The following FAM171A1 variants were observed in gnomAD, a reference collection of about 807,000 sequenced individuals.
The protein encoded by FAM171A1 is family with sequence similarity 171 member A1.
A neutral mutation model predicts 74.9 loss-of-function variants in FAM171A1; 23 were observed. The observed-to-expected ratio is 0.31, with a 90% CI of 0.22 to 0.44. The LOEUF is 0.44. FAM171A1 is among the 20% of genes least tolerant of loss of function. The probability of loss-of-function intolerance (pLI) is 1.00; values close to 1 mark genes in which losing one functional copy is unlikely to be tolerated. For missense variants in FAM171A1, 1,162 were observed against 1,159.2 expected, an observed-to-expected ratio of 1.00 and a Z score of -0.03; for synonymous variants, 527 against 505.7, an observed-to-expected ratio of 1.04 and a Z score of -0.57.
intron 1 of FAM171A1, among the ~76,000 whole-genome samples, chr10:15,300,259 C>T (rs1348483273): frequency 6.6e-6 from 1 of 152,168 alleles, no homozygotes; most frequent in Non-Finnish European, 1.5e-5. Flanking sequence ...ATTTACATTA[C>T]AAATATTCCT....
chr10:15,310,811 C>G (rs996576881), intron 1 of FAM171A1, among the ~76,000 whole-genome samples: 1 of 151,426 alleles, frequency 6.6e-6, no homozygotes, highest in Non-Finnish European at 1.5e-5. Context: ...CAGTGCATGA[C>G]AGAGCGAGAC....
chr10:15,334,929 C>A (rs1272570884), intron 1 of FAM171A1, among the ~76,000 whole-genome samples: 1 of 152,142 alleles, frequency 6.6e-6, no homozygotes, highest in Non-Finnish European at 1.5e-5. Context: ...AACAGAAATT[C>A]TACAAAATCC....
chr10:15,214,617 C>A lies in FAM171A1; in HGVS notation c.987-16G>T. ...GCACTTCCTCCTGCGCCCAAAGACA[C>A]AATCCAAAGCCAAAGATTAGTGATT... On this transcript the variant is annotated splice_polypyrimidine_tract_variant and intron_variant, in intron 7 of 7. Coordinates refer to ENST00000378116, the MANE Select transcript of FAM171A1 (RefSeq NM_001010924.2). The A allele has an allele frequency of 6.5e-7, 1 of 1,542,946 alleles. No individual in the cohort carries two copies. Among genetic ancestry groups the A allele is most frequent in the Non-Finnish European group, 8.7e-7 (1 of 1,148,132 alleles).
At chr10:15,345,012 C>T (rs1393305656) in intron 1 of FAM171A1, among the ~76,000 whole-genome samples, 2 of 152,202 alleles carry the variant, frequency 1.3e-5, no homozygotes, top group East Asian at 1.9e-4. Flanking sequence ...TCAACTCACA[C>T]CTTGCGTCAT....
chr10:15,321,727 T>C (rs1183864982), intron 1 of FAM171A1, among the ~76,000 whole-genome samples: 1 of 152,180 alleles, frequency 6.6e-6, no homozygotes, highest in Non-Finnish European at 1.5e-5. Context: ...CAAACCAAAA[T>C]GGTTTGAGCA....
chr10:15,361,636 T>C (rs1835995912), intron 1 of FAM171A1, among the ~76,000 whole-genome samples: 1 of 152,080 alleles, frequency 6.6e-6, no homozygotes, highest in Admixed American at 6.6e-5. Context: ...TGAGCCGAGA[T>C]TATGCCATGG....
Position 15,212,828 on chromosome 10 carries a change from C to T in FAM171A1, c.*87G>A. 1 of 1,537,160 alleles carries T rather than the reference C, an allele frequency of 6.5e-7. No homozygotes were observed. The highest frequency in any genetic ancestry group is 2.0e-5 in the Admixed American group (1 of 51,004). ...TCCGTCCCACGGCTGGGCTGCCGTT[C>T]CGTTTCCTCCACGAACGGGTACGCG... On this transcript the variant is annotated 3_prime_UTR_variant, in exon 8 of 8. Coordinates refer to ENST00000378116, the MANE Select transcript of FAM171A1 (RefSeq NM_001010924.2).
intron 1 of FAM171A1, among the ~76,000 whole-genome samples, chr10:15,309,139 T>A (rs559497526): frequency 6.6e-6 from 1 of 152,316 alleles, no homozygotes; most frequent in Non-Finnish European, 1.5e-5. Flanking sequence ...AAGCAATAAA[T>A]TAATGGATGT....
At chr10:15,252,026 T>C (rs1001128337) in intron 4 of FAM171A1, among the ~76,000 whole-genome samples, 3 of 152,238 alleles carry the variant, frequency 2.0e-5, no homozygotes, top group African/African-American at 4.8e-5. Context: ...TGTTGGGCTC[T>C]GTATTCTACC....
At chr10:15,231,984 T>A (rs112602052) in intron 5 of FAM171A1, among the ~76,000 whole-genome samples, 7 of 152,138 alleles carry the variant, frequency 4.6e-5, no homozygotes, top group African/African-American at 1.2e-4. Flanking sequence ...TCCCAGCTAC[T>A]TAGGAGGCTG....
rs1393450674 is a variant in FAM171A1 at position 15,212,375 on chromosome 10, A to G, written c.*540T>C. 1 of 156,572 alleles carries G rather than the reference A, an allele frequency of 6.4e-6. No individual in the cohort carries two copies. The highest frequency in any genetic ancestry group is 1.4e-5 in the Non-Finnish European group (1 of 70,584). The allele number at this position is 156,572 out of a possible 1,614,324, so 9.7% of individuals were successfully genotyped here. A position where few individuals can be genotyped will look rare whatever the true frequency, so the allele number is the denominator to read the frequency against. On this transcript the variant is annotated 3_prime_UTR_variant, in exon 8 of 8. Transcript: ENST00000378116. ...AATTGCATTTAAGCGACAACAAAAA[A>G]AGGCAAACCCCAAAACGCAACCTAA...
At chr10:15,271,601 T>C (rs1338437605) in intron 3 of FAM171A1, among the ~76,000 whole-genome samples, 3 of 152,002 alleles carry the variant, frequency 2.0e-5, no homozygotes, top group East Asian at 1.9e-4. Flanking sequence ...AAAGTTGAAA[T>C]GAAGGAAAAA....
At chr10:15,301,362 A>ATATATATATATT (rs575709720) in intron 1 of FAM171A1, among the ~76,000 whole-genome samples, 3 of 141,564 alleles carry the variant, frequency 2.1e-5, no homozygotes, top group African/African-American at 7.9e-5. Flanking sequence ...ATATATATAT[A>ATATATATATATT]TTTTTTTTTT....
At chr10:15,362,787 G>C (rs1040390169) in intron 1 of FAM171A1, among the ~76,000 whole-genome samples, 7 of 152,170 alleles carry the variant, frequency 4.6e-5, no homozygotes, top group Non-Finnish European at 1.0e-4. Flanking sequence ...TTAGTCATAC[G>C]AGAGTTAGTG....
At chr10:15,218,640 G>A (rs954406486) in intron 6 of FAM171A1, among the ~76,000 whole-genome samples, 1 of 152,060 alleles carries the variant, frequency 6.6e-6, no homozygotes, top group Non-Finnish European at 1.5e-5. Flanking sequence ...TGTCACCTAC[G>A]CTGGAGTGCA....
intron 3 of FAM171A1, among the ~76,000 whole-genome samples, chr10:15,257,108 A>T (rs777516227): frequency 1.3e-5 from 2 of 152,182 alleles, no homozygotes; most frequent in Non-Finnish European, 2.9e-5. Context: ...ATAGGAAGAG[A>T]ACAAGAATGG....
chr10:15,332,101 C>A (rs1184030024), intron 1 of FAM171A1, among the ~76,000 whole-genome samples: 2 of 151,468 alleles, frequency 1.3e-5, no homozygotes, highest in Non-Finnish European at 2.9e-5. Flanking sequence ...TACAGGTGGG[C>A]ACCACCATGC....
intron 3 of FAM171A1, among the ~76,000 whole-genome samples, chr10:15,257,971 C>T (rs1834602420): frequency 6.6e-6 from 1 of 152,150 alleles, no homozygotes; most frequent in South Asian, 2.1e-4. Context: ...TGTAGGGCTC[C>T]ATCCCCATCC....
rs145788782 is a variant in FAM171A1, at chr10:15,314,983, T to G, written c.98-30878A>C. Among the ~76,000 whole-genome samples, 548 of 152,346 alleles carry G rather than the reference T, an allele frequency of 3.6e-3. 1 individual carries two copies. Among genetic ancestry groups the G allele is most frequent in the African/African-American group, 0.013 (523 of 41,580 alleles). The stretch of plus-strand genomic sequence containing the variant: ...AGCCTAGCCTTTCCTCATATCAGAA[T>G]GGTACGATCTCAGACTCCAGTTTGG... On this transcript the variant is annotated intron_variant, in intron 1 of 7. Coordinates refer to ENST00000378116, the MANE Select transcript of FAM171A1 (RefSeq NM_001010924.2).
Sources: gnomAD v4.1 joint callset for allele counts (sites outside exome capture counted in the v4.1 genomes callset) on GRCh38, gnomAD v4.1.1 for gene constraint, MANE v1.5 for transcripts, NCBI Gene and HGNC (gene_info 2026-07-23, HGNC 2026-07-21) for gene names.